THRB: variants seen among roughly 807,000 people sequenced by gnomAD.
THRB encodes the protein thyroid hormone receptor beta, also known as nuclear receptor subfamily 1 group A member 2.
THRB carries 12 observed loss-of-function variants against 47.8 expected under a neutral mutation model. The ratio of observed to expected loss-of-function variants is 0.25; its 90% CI spans 0.16 to 0.41. The LOEUF (loss-of-function observed/expected upper bound fraction) is 0.41. THRB is among the 10% of genes least tolerant of loss of function. The pLI, the probability that THRB is intolerant of heterozygous loss-of-function variation, is 1.00. For synonymous variants in THRB, 218 were observed against 212.2 expected (o/e 1.03, Z -0.24); for missense variants, 348 against 589.2 (o/e 0.59, Z 4.24).
chr3:24,488,394 T>G (rs892308162), intron 1 of THRB, among the ~76,000 whole-genome samples: 2 of 152,214 alleles, frequency 1.3e-5, no homozygotes, highest in Non-Finnish European at 2.9e-5. Flanking sequence ...TGTTTGTGCA[T>G]GTGTGCATAT....
chr3:24,495,254 C>T (rs1425680086), upstream of THRB: 1 of 152,904 alleles, frequency 6.5e-6, no homozygotes, highest in Non-Finnish European at 1.5e-5. Flanking sequence ...CAGGCAAACC[C>T]GGCTCCGCCA....
intron 5 of THRB, among the ~76,000 whole-genome samples, chr3:24,186,627 A>G (rs1271410452): frequency 1.3e-5 from 2 of 152,176 alleles, no homozygotes; most frequent in African/African-American, 4.8e-5. Context: ...CAGCAGACAG[A>G]AGCATAGGTA....
chr3:24,299,806 A>G (rs1247084962), intron 2 of THRB, among the ~76,000 whole-genome samples: 6 of 102,006 alleles, frequency 5.9e-5, no homozygotes, highest in African/African-American at 1.3e-4. Context: ...TTTTTTTAGC[A>G]AACATACCAG....
intron 4 of THRB, among the ~76,000 whole-genome samples, chr3:24,213,706 T>G (rs1401382783): frequency 1.3e-5 from 2 of 152,160 alleles, no homozygotes; most frequent in Non-Finnish European, 2.9e-5. Flanking sequence ...AATGGGTAAT[T>G]CTCAAGGATC....
intron 1 of THRB, among the ~76,000 whole-genome samples, chr3:24,419,425 A>T (rs2069041552): frequency 6.6e-6 from 1 of 151,866 alleles, no homozygotes; most frequent in Admixed American, 6.6e-5. Flanking sequence ...TCCAGATGGA[A>T]AGCCAATCTA....
chr3:24,249,657 T>G (rs1464634346), intron 3 of THRB, among the ~76,000 whole-genome samples: 1 of 152,148 alleles, frequency 6.6e-6, no homozygotes, highest in Non-Finnish European at 1.5e-5. Flanking sequence ...CTGTACACAT[T>G]CAGGAGGAAT....
At chr3:24,272,397 A>C (rs1011054431) in intron 3 of THRB, among the ~76,000 whole-genome samples, 2 of 151,750 alleles carry the variant, frequency 1.3e-5, no homozygotes, top group Non-Finnish European at 2.9e-5. Flanking sequence ...AACAAACAAA[A>C]AAACCAACCA....
At chr3:24,352,799 T>A (rs1408155447) in intron 1 of THRB, among the ~76,000 whole-genome samples, 1 of 152,160 alleles carries the variant, frequency 6.6e-6, no homozygotes, top group Admixed American at 6.5e-5. Context: ...TCCAAAATAT[T>A]AAGAAGAGCT....
chr3:24,162,801 T>G (rs2039072557), intron 5 of THRB, among the ~76,000 whole-genome samples: 1 of 152,178 alleles, frequency 6.6e-6, no homozygotes. Context: ...CTTCCTTTAT[T>G]TCACCAGTTT....
chr3:24,275,864 T>G lies in THRB; in HGVS notation c.-43+21362A>C, dbSNP rs1217721089. ...TCTGATTCTACAGTTCAGTTTCACC[T>G]CCCCATAACCCTCTACATTTCAAAT... On this transcript the variant is annotated intron_variant, in intron 3 of 10. Transcript: ENST00000646209. Among the ~76,000 whole-genome samples, 8 of 152,210 alleles carry G rather than the reference T, an allele frequency of 5.3e-5. No individual in the cohort carries two copies. The South Asian group carries it at 1.2e-3, about 24-fold the overall frequency.
chr3:24,241,911 C>T (rs986060356), intron 3 of THRB, among the ~76,000 whole-genome samples: 29 of 152,096 alleles, frequency 1.9e-4, no homozygotes, highest in Admixed American at 1.8e-3. Context: ...GGTGCACTCC[C>T]CTGCCCATCG....
At chr3:24,328,235 AT>A (rs1211794274) in intron 2 of THRB, among the ~76,000 whole-genome samples, 2 of 152,210 alleles carry the variant, frequency 1.3e-5, no homozygotes, top group Non-Finnish European at 2.9e-5. Context: ...AATAGCCTTT[AT>A]TTTAGAAACA....
At chr3:24,252,724 T>G (rs2050787405) in intron 3 of THRB, among the ~76,000 whole-genome samples, 1 of 151,356 alleles carries the variant, frequency 6.6e-6, no homozygotes, top group South Asian at 2.1e-4. Flanking sequence ...GCTGTATAAA[T>G]GTAAAAAAAG....
At chr3:24,127,985 A>G (rs2033179941) in intron 9 of THRB, among the ~76,000 whole-genome samples, 1 of 152,170 alleles carries the variant, frequency 6.6e-6, no homozygotes. Context: ...AGGAGTTTGC[A>G]TTGCTTTTAT....
intron 5 of THRB, among the ~76,000 whole-genome samples, chr3:24,160,769 GA>G (rs1199352637): frequency 2.6e-5 from 4 of 152,284 alleles, no homozygotes; most frequent in South Asian, 2.1e-4. Context: ...TGAGTGCTGA[GA>G]AAAAAGTGTT....
intron 1 of THRB, among the ~76,000 whole-genome samples, chr3:24,487,915 A>G (rs908507989): frequency 5.3e-5 from 8 of 152,222 alleles, no homozygotes; most frequent in African/African-American, 1.9e-4. Flanking sequence ...TGATGAAATC[A>G]GAAAAAACAG....
At chr3:24,454,617 G>C (rs1467787772) in intron 1 of THRB, among the ~76,000 whole-genome samples, 1 of 152,174 alleles carries the variant, frequency 6.6e-6, no homozygotes, top group African/African-American at 2.4e-5. Context: ...GCTTAACTAA[G>C]AGTATCTACA....
At chr3:24,462,167 A>C (rs2073760087) in intron 1 of THRB, among the ~76,000 whole-genome samples, 1 of 152,226 alleles carries the variant, frequency 6.6e-6, no homozygotes, top group Non-Finnish European at 1.5e-5. Context: ...AATGGCTAAA[A>C]AAAAAAAACT....
At chr3:24,323,511 G>C (rs957080839) in intron 2 of THRB, among the ~76,000 whole-genome samples, 4 of 152,210 alleles carry the variant, frequency 2.6e-5, no homozygotes, top group African/African-American at 9.6e-5. Flanking sequence ...TGATTCATTA[G>C]ATCTGGAGTG....
Sources: gnomAD v4.1 joint callset for allele counts (sites outside exome capture counted in the v4.1 genomes callset) on GRCh38, gnomAD v4.1.1 for gene constraint, MANE v1.5 for transcripts, NCBI Gene and HGNC (gene_info 2026-07-23, HGNC 2026-07-21) for gene names.